The following MCM10 variants were observed in gnomAD, a reference collection of about 807,000 sequenced individuals.
MCM10 encodes the protein minichromosome maintenance 10 replication initiation factor.
Under a neutral mutation model 109.9 loss-of-function variants are expected in MCM10, and 91 were observed. The ratio of observed to expected loss-of-function variants is 0.83; its 90% confidence interval spans 0.70 to 0.99. The LOEUF (loss-of-function observed/expected upper bound fraction) is 0.99, where lower values mean the gene tolerates loss of function less well. MCM10 is among the 50% of genes least tolerant of loss of function. MCM10 has a pLI of 0.00. For missense variants in MCM10, 1,077 were observed against 1,061.2 expected, an observed-to-expected ratio of 1.01 and a Z score of -0.21; for synonymous variants, 380 against 387.2, an observed-to-expected ratio of 0.98 and a Z score of 0.22.
intron 6 of MCM10, among the ~76,000 whole-genome samples, chr10:13,176,389 C>G (rs1283547645): frequency 2.0e-5 from 3 of 152,140 alleles, no homozygotes; most frequent in East Asian, 3.9e-4. Context: ...TCCATTGCAT[C>G]TCCATCATTA....
Position 13,171,188 on chromosome 10 carries a change from G to A in MCM10, c.274G>A (p.Ala92Thr). The change falls in exon 3 of 20, where the codon GCA becomes ACA. Residue 92 changes from alanine to threonine, a missense_variant. Coordinates refer to ENST00000378714, the MANE Select transcript of MCM10 (RefSeq NM_018518.5). ...EDLTDEEEVP[A>T]SQSTENRVLP... Reference sequence around the variant, plus strand: ...CTTAACAGATGAAGAAGAAGTTCCCGCATCACAGTCAACTGAAAATAGGGT... The same window carrying A: ...CTTAACAGATGAAGAAGAAGTTCCCACATCACAGTCAACTGAAAATAGGGT... 1 of 1,614,156 alleles carries A rather than the reference G, an allele frequency of 6.2e-7. No homozygotes were observed. Among genetic ancestry groups the A allele is most frequent in the Non-Finnish European group, 8.5e-7 (1 of 1,180,012 alleles).
At chr10:13,179,439 G>T (rs2131566628) in intron 6 of MCM10, among the ~76,000 whole-genome samples, 1 of 152,258 alleles carries the variant, frequency 6.6e-6, no homozygotes, top group Middle Eastern at 3.4e-3. Flanking sequence ...TACAATCACA[G>T]AAATCAGCCA....
intron 6 of MCM10, among the ~76,000 whole-genome samples, chr10:13,179,824 T>C (rs1834186918): frequency 1.3e-5 from 2 of 152,188 alleles, no homozygotes; most frequent in Non-Finnish European, 2.9e-5. Flanking sequence ...CATGGTTTTG[T>C]AATAAAGTAA....
chr10:13,180,946 G>C (rs916673858), intron 7 of MCM10, among the ~76,000 whole-genome samples: 1 of 152,168 alleles, frequency 6.6e-6, no homozygotes, highest in African/African-American at 2.4e-5. Context: ...AAGAGGCTGA[G>C]CTCACCGATT....
intron 1 of MCM10, among the ~76,000 whole-genome samples, chr10:13,162,935 C>T (rs2131549795): frequency 6.6e-6 from 1 of 152,124 alleles, no homozygotes; most frequent in Admixed American, 6.5e-5. Context: ...AAAAATTAGC[C>T]GGGCGTGGTG....
chr10:13,192,767 A>G (rs1040911953), intron 13 of MCM10, among the ~76,000 whole-genome samples, 199 bp downstream of exon 13: 1 of 151,232 alleles, frequency 6.6e-6, no homozygotes, highest in African/African-American at 2.4e-5. Context: ...CCAACACCAA[A>G]TGGTACAGGT....
In MCM10 at chr10:13,172,395, A is replaced by C. The variant is rs533601206; in HGVS notation, c.369A>C (p.Gln123His). ...TCCTAGAGGAATTAAGGAATTTGCA[A>C]GAGCAAATGAAGGCCTTACAAGAGC... ...EELQEELRNL[Q>H]EQMKALQEQL... The change falls in exon 4 of 20, where the codon CAA becomes CAC. Residue 123 changes from glutamine to histidine, a missense_variant. Physicochemically the swap from Gln to His is conservative, Grantham distance 24. Transcript: ENST00000378714. This position sits in a 1 kb window ranked among gnomAD's most constrained non-coding sequence, Gnocchi z 5.2. The C allele has an allele frequency of 6.2e-7, 1 of 1,612,618 alleles. No homozygotes were observed. The highest frequency in any genetic ancestry group is 1.1e-5 in the South Asian group (1 of 90,828).
intron 6 of MCM10, among the ~76,000 whole-genome samples, chr10:13,178,351 A>C (rs1834167877): frequency 6.6e-6 from 1 of 152,208 alleles, no homozygotes; most frequent in Non-Finnish European, 1.5e-5. Flanking sequence ...GGCCTCCCAA[A>C]GTGCTGGGAT....
At chr10:13,193,389 G>A (rs1334688723) in intron 13 of MCM10, among the ~76,000 whole-genome samples, 1 of 151,962 alleles carries the variant, frequency 6.6e-6, no homozygotes, top group Non-Finnish European at 1.5e-5. Context: ...ATACTAATGA[G>A]AGCTGCGGTT....
At chr10:13,194,531 G>T (rs971774424) in intron 13 of MCM10, among the ~76,000 whole-genome samples, 1 of 148,846 alleles carries the variant, frequency 6.7e-6, no homozygotes, top group Admixed American at 6.6e-5. Flanking sequence ...GGGTGACACA[G>T]CGAGACTCTG....
chr10:13,175,576 A>G lies in MCM10; in HGVS notation c.659A>G (p.Asn220Ser). 6.2e-7 allele frequency: 1 copy of G among 1,614,152 alleles called. No homozygotes were observed. Among genetic ancestry groups the G allele is most frequent in the East Asian group, 2.2e-5 (1 of 44,892 alleles). Residue 220 changes from asparagine (N) to serine (S), a missense_variant, in exon 6 of 20, where the codon AAC (asparagine) becomes AGC (serine). Physicochemically the swap from Asn to Ser is conservative, Grantham distance 46. Transcript: ENST00000378714. ...CAACCCCTACAGACGATTTCTCGGAACAAACCTAGTGGGATAACTAGAGGT... is the reference window on the plus strand; with the variant it reads ...CAACCCCTACAGACGATTTCTCGGAGCAAACCTAGTGGGATAACTAGAGGT... ...PSQPLQTISR[N>S]KPSGITRGQI...
At chr10:13,167,965 G>A (rs576808422) in intron 2 of MCM10, among the ~76,000 whole-genome samples, 2 of 152,324 alleles carry the variant, frequency 1.3e-5, no homozygotes, top group Admixed American at 1.3e-4. Flanking sequence ...GATTGAGTCA[G>A]CGTAATACAG....
At chr10:13,179,766 T>C (rs1463025928) in intron 6 of MCM10, among the ~76,000 whole-genome samples, 1 of 152,214 alleles carries the variant, frequency 6.6e-6, no homozygotes, top group African/African-American at 2.4e-5. Flanking sequence ...CCTGTGAAAT[T>C]CTTGCATAAT....
In MCM10 at chr10:13,188,997, C is replaced by T. The variant is rs1448229120; in HGVS notation, c.1332C>T (p.Arg444=). 1 of 1,614,220 alleles carries T rather than the reference C, an allele frequency of 6.2e-7. No individual in the cohort carries two copies. Among genetic ancestry groups the T allele is most frequent in the Non-Finnish European group, 8.5e-7 (1 of 1,180,040 alleles). The change falls in exon 10 of 20, where the codon CGC becomes CGT. Residue 444 remains arginine, a synonymous_variant. Transcript: ENST00000378714. ...GACGAATTCCAAAGAAGTTTGCCCG[C>T]AGAGGCACCAGCCTCAAAGAACGGC... The part of the protein sequence containing the change: ...SGGRIPKKFA[R]RGTSLKERLC...
At chr10:13,200,320 T>C (rs537373394) in intron 16 of MCM10, among the ~76,000 whole-genome samples, 1 of 152,312 alleles carries the variant, frequency 6.6e-6, no homozygotes, top group South Asian at 2.1e-4. Flanking sequence ...AATCCTTGGT[T>C]GTGTCGGTGA....
intron 2 of MCM10, among the ~76,000 whole-genome samples, chr10:13,169,818 G>A (rs1271565874): frequency 6.6e-6 from 1 of 152,176 alleles, no homozygotes; most frequent in Non-Finnish European, 1.5e-5. Flanking sequence ...CAATTCTTCT[G>A]CCTCAGCCTC....
At chr10:13,198,631 G>T (rs1177807806) in intron 15 of MCM10, 58 bp from the exon 16 acceptor site, 2 of 1,102,998 alleles carry the variant, frequency 1.8e-6, no homozygotes, top group Non-Finnish European at 1.4e-6. Flanking sequence ...AGTTGATGAG[G>T]CGCACTGGCT....
chr10:13,192,490 C>G lies in MCM10; in HGVS notation c.1667C>G (p.Ser556Trp). 6.2e-7 allele frequency: 1 copy of G among 1,614,170 alleles called. No homozygotes were observed. Among genetic ancestry groups the G allele is most frequent in the Admixed American group, 1.7e-5 (1 of 60,020 alleles). ...CCAAAACCAGCCATCAAGTCCATCTCGGCCTCAGCACTCTTGAAGCAACAG... is the reference window on the plus strand; with the variant it reads ...CCAAAACCAGCCATCAAGTCCATCTGGGCCTCAGCACTCTTGAAGCAACAG... ...GSPKPAIKSI[S>W]ASALLKQQKQ... Residue 556 changes from serine (S) to tryptophan (W), a missense_variant, in exon 13 of 20, where the codon TCG becomes TGG. Physicochemically the swap from Ser to Trp is radical, Grantham distance 177. Coordinates refer to ENST00000378714, the MANE Select transcript of MCM10 (RefSeq NM_018518.5).
chr10:13,192,053 G>A (rs1472627720), intron 11 of MCM10, among the ~76,000 whole-genome samples: 1 of 152,154 alleles, frequency 6.6e-6, no homozygotes, highest in Admixed American at 6.6e-5. Flanking sequence ...ATCATTACTA[G>A]AAATAAAATA....
Sources: allele counts gnomAD v4.1 joint callset (sites outside exome capture counted in the v4.1 genomes callset), GRCh38; gene constraint gnomAD v4.1.1; non-coding constraint Gnocchi (gnomAD v3.1); transcripts MANE v1.5; gene names NCBI Gene and HGNC (gene_info 2026-07-23, HGNC 2026-07-21).